MEF2C: variants seen among roughly 807,000 people sequenced by gnomAD.
MEF2C encodes the protein myocyte enhancer factor 2C.
A neutral mutation model predicts 50.5 loss-of-function variants in MEF2C; 6 were observed. That is an observed-to-expected ratio of 0.12 (90% CI 0.07 to 0.23). MEF2C has a LOEUF of 0.23. Among genes scored for constraint, MEF2C ranks in the 10% least tolerant of loss-of-function variants. The pLI is 1.00. For missense variants in MEF2C, 276 were observed against 605.0 expected (o/e 0.46, Z 5.70); for synonymous variants, 183 against 228.0 (o/e 0.80, Z 1.78).
At chr5:88,876,475 T>A (rs1325657633) in intron 1 of MEF2C, among the ~76,000 whole-genome samples, 1 of 152,090 alleles carries the variant, frequency 6.6e-6, no homozygotes, top group Non-Finnish European at 1.5e-5. Flanking sequence ...TTTTCCATAA[T>A]ATGCCTTAGT....
intron 2 of MEF2C, among the ~76,000 whole-genome samples, chr5:88,812,674 T>C (rs1803405692): frequency 6.6e-6 from 1 of 152,162 alleles, no homozygotes; most frequent in South Asian, 2.1e-4. Context: ...TCTTTGAACT[T>C]ATTCTTTAGC....
chr5:88,843,798 T>C (rs1818296575), intron 1 of MEF2C, among the ~76,000 whole-genome samples: 1 of 149,608 alleles, frequency 6.7e-6, no homozygotes, highest in Admixed American at 6.8e-5. Flanking sequence ...TGTTTGTTCC[T>C]GTGAAACTTT....
intron 1 of MEF2C, among the ~76,000 whole-genome samples, chr5:88,876,239 A>G (rs1011266415): frequency 2.0e-5 from 3 of 151,918 alleles, no homozygotes; most frequent in Admixed American, 2.0e-4. Flanking sequence ...TTTTAAAAAT[A>G]TAGGACCACT....
chr5:88,742,136 T>C, intron 6 of MEF2C: 1 of 985,402 alleles, frequency 1.0e-6, no homozygotes, highest in Non-Finnish European at 1.2e-6. Flanking sequence ...AAGTCCCTGG[T>C]AAGTAAAAAA....
At chr5:88,763,378 T>C (rs911842333) in intron 3 of MEF2C, among the ~76,000 whole-genome samples, 17 of 152,152 alleles carry the variant, frequency 1.1e-4, no homozygotes, top group African/African-American at 4.1e-4. Context: ...AATAATTTTA[T>C]TTACTAACTT....
chr5:88,809,014 T>C (rs1285736318), intron 2 of MEF2C, among the ~76,000 whole-genome samples: 1 of 152,132 alleles, frequency 6.6e-6, no homozygotes, highest in Non-Finnish European at 1.5e-5. Context: ...CAACATGTTA[T>C]CAAATTAAAG....
chr5:88,730,961 C>A (rs1397912228), intron 7 of MEF2C, among the ~76,000 whole-genome samples: 2 of 152,166 alleles, frequency 1.3e-5, no homozygotes, highest in Non-Finnish European at 2.9e-5. Flanking sequence ...TGATGTAAGT[C>A]TCTTTGTTGT....
intron 1 of MEF2C, chr5:88,843,364 C>G (rs992911845): frequency 1.8e-5 from 18 of 984,920 alleles, no homozygotes; most frequent in Non-Finnish European, 2.0e-5. Context: ...AAAAAAAACC[C>G]TCAAAGGTGA....
At chr5:88,857,057 G>A (rs1181173617) in intron 1 of MEF2C, among the ~76,000 whole-genome samples, 1 of 152,206 alleles carries the variant, frequency 6.6e-6, no homozygotes, top group Non-Finnish European at 1.5e-5. Context: ...AGGATTGGGG[G>A]GCTGGGGGGC....
chr5:88,751,043 A>G, intron 5 of MEF2C: 1 of 962,558 alleles, frequency 1.0e-6, no homozygotes, highest in Admixed American at 6.1e-5. Flanking sequence ...ATTTTGTTAT[A>G]TTCAATACGC....
intron 1 of MEF2C, among the ~76,000 whole-genome samples, chr5:88,834,000 A>G (rs1814053657): frequency 6.6e-6 from 1 of 152,164 alleles, no homozygotes; most frequent in Admixed American, 6.5e-5. Flanking sequence ...TTGTAGTTAT[A>G]GCATTCCTCT....
intron 2 of MEF2C, among the ~76,000 whole-genome samples, chr5:88,807,619 T>C (rs1237361430): frequency 6.6e-6 from 1 of 152,220 alleles, no homozygotes; most frequent in African/African-American, 2.4e-5. Context: ...TTGTGAGGAT[T>C]GTATCCAATA....
intron 4 of MEF2C, among the ~76,000 whole-genome samples, chr5:88,757,267 A>C (rs1439477328): frequency 2.6e-5 from 4 of 152,250 alleles, no homozygotes; most frequent in Non-Finnish European, 1.5e-5. Flanking sequence ...AAAATCAAAT[A>C]AAATAGTTAA....
chr5:88,748,321 G>T, intron 6 of MEF2C: 1 of 395,928 alleles, frequency 2.5e-6, no homozygotes, highest in Non-Finnish European at 3.4e-6. Context: ...TATTTTAAAT[G>T]TATAGCATGT....
At chr5:88,893,871 C>T (rs979790797) in intron 1 of MEF2C, among the ~76,000 whole-genome samples, 4 of 152,112 alleles carry the variant, frequency 2.6e-5, no homozygotes, top group Non-Finnish European at 5.9e-5. Context: ...CAGTTTGTTT[C>T]ACCAAAGTAC....
chr5:88,811,826 A>G (rs985874654), intron 2 of MEF2C, among the ~76,000 whole-genome samples: 2 of 152,166 alleles, frequency 1.3e-5, no homozygotes, highest in African/African-American at 4.8e-5. Context: ...GGATACATGC[A>G]TCATGACTGG....
At chr5:88,751,514 G>C in intron 5 of MEF2C, 1 of 985,402 alleles carries the variant, frequency 1.0e-6, no homozygotes. Context: ...TGGCCAGGAG[G>C]AAGAGGGAAA....
At chr5:88,809,010 G>A (rs1448149769) in intron 2 of MEF2C, among the ~76,000 whole-genome samples, 1 of 152,066 alleles carries the variant, frequency 6.6e-6, no homozygotes, top group South Asian at 2.1e-4. Flanking sequence ...AAGTCAACAT[G>A]TTATCAAATT....
intron 2 of MEF2C, among the ~76,000 whole-genome samples, chr5:88,818,214 CAATT>C (rs1422625700): frequency 6.6e-6 from 1 of 151,828 alleles, no homozygotes; most frequent in East Asian, 1.9e-4. Context: ...TGAATACGTA[CAATT>C]ATTTGTTAAT....
Sources: gnomAD v4.1 joint callset for allele counts (sites outside exome capture counted in the v4.1 genomes callset) on GRCh38, gnomAD v4.1.1 for gene constraint, MANE v1.5 for transcripts, NCBI Gene and HGNC (gene_info 2026-07-23, HGNC 2026-07-21) for gene names.